The following RASA3 variants were observed in gnomAD, a reference collection of about 807,000 sequenced individuals.
RASA3 encodes the protein ras GTPase-activating protein 3.
In RASA3, 73 loss-of-function variants were observed where a neutral mutation model predicts 110.0. That is an observed-to-expected ratio of 0.66 (90% CI 0.55 to 0.81). The LOEUF (loss-of-function observed/expected upper bound fraction) is 0.81. RASA3 is among the 30% of genes least tolerant of loss of function. RASA3 has a pLI of 0.00. For synonymous variants in RASA3, 500 were observed against 451.4 expected (o/e 1.11, Z -1.37); for missense variants, 976 against 1,113.2 (o/e 0.88, Z 1.75).
chr13:114,029,093 GC>G (rs2054093979), intron 5 of RASA3, among the ~76,000 whole-genome samples: 1 of 21,184 alleles, frequency 4.7e-5, no homozygotes, highest in African/African-American at 6.0e-4. Context: ...CATCCTGGGG[GC>G]CAGGACCTCT....
At position 114,048,745 on chromosome 13, in the gene RASA3, G is replaced by A. The variant is rs549389347; in HGVS notation, c.277+3307C>T. Among the ~76,000 whole-genome samples the A allele has an allele frequency of 6.6e-6, 1 of 152,312 alleles. No homozygotes were observed. Among genetic ancestry groups the A allele is most frequent in the Non-Finnish European group, 1.5e-5 (1 of 68,018 alleles). On this transcript the variant is annotated intron_variant, in intron 3 of 23. Transcript: ENST00000334062. The surrounding 1 kb of genome is among the most constrained non-coding windows in gnomAD (Gnocchi z 4.3). ...TGACTGACAGTTCCCGCCGGCAGCA[G>A]CGCTCTGTGGGCCATGGACCCAGGG...
At chr13:113,996,771 CAT>C (rs776571055) in intron 20 of RASA3, 32 bp from the exon 21 acceptor site, 3 of 1,588,644 alleles carry the variant, frequency 1.9e-6, no homozygotes, top group Non-Finnish European at 2.6e-6. Flanking sequence ...GGACAGCGCA[CAT>C]GAGGTCTCGT....
chr13:114,053,050 A>G (rs9525221), intron 2 of RASA3, among the ~76,000 whole-genome samples: 2,386 of 25,966 alleles, frequency 0.092, 2 homozygotes, highest in Middle Eastern at 0.17. Context: ...GCTCCTGGGG[A>G]AGAGACCCCC....
In RASA3 at chr13:114,057,439, G is replaced by T. The variant is rs2079264663; in HGVS notation, c.174-5284C>A. On this transcript the variant is annotated intron_variant, in intron 2 of 23. Coordinates refer to ENST00000334062, the MANE Select transcript of RASA3 (RefSeq NM_007368.4). This position sits in a 1 kb window ranked among gnomAD's most constrained non-coding sequence, Gnocchi z 5.0. Reference sequence around the variant, plus strand: ...AGGCCTTGCACTCATTTTAATGAAGGCTCTGCAGGATTTCAAGGAAAGCTG... The same window carrying T: ...AGGCCTTGCACTCATTTTAATGAAGTCTCTGCAGGATTTCAAGGAAAGCTG... 1.0e-6 allele frequency: 1 copy of T among 985,412 alleles called. No homozygotes were observed. Among genetic ancestry groups the T allele is most frequent in the Non-Finnish European group, 1.2e-6 (1 of 829,918 alleles). 61.0% of individuals were successfully genotyped at this position (985,412 alleles called of 1,614,324 possible).
chr13:114,010,247 A>T (rs2053602300), intron 16 of RASA3, among the ~76,000 whole-genome samples: 1 of 151,868 alleles, frequency 6.6e-6, no homozygotes, highest in Non-Finnish European at 1.5e-5. Context: ...CAAAGCCCTC[A>T]TTTCTACCTG....
At chr13:114,070,281 A>G (rs909528163) in intron 2 of RASA3, among the ~76,000 whole-genome samples, 2 of 151,504 alleles carry the variant, frequency 1.3e-5, no homozygotes, top group African/African-American at 4.9e-5. Flanking sequence ...GGGTGCCACC[A>G]TGGAGCAAGG....
intron 1 of RASA3, among the ~76,000 whole-genome samples, chr13:114,104,020 C>A (rs1322047733): frequency 1.3e-5 from 1 of 76,052 alleles, no homozygotes. Context: ...CACACTGCCC[C>A]CGGCCACAGA....
At position 113,996,530 on chromosome 13, in the gene RASA3, C is replaced by T. The variant is rs1203199268; in HGVS notation, c.2141+1G>A. On this transcript the variant is annotated splice_donor_variant, in intron 21 of 23. Transcript: ENST00000334062. LOFTEE classifies it high-confidence loss of function. Reference sequence around the variant, plus strand: ...AGCTGGGCACCGAGGCACAGACCTACCCAGTGCAGGGCGAGCAGCCCGGAG... The same window carrying T: ...AGCTGGGCACCGAGGCACAGACCTATCCAGTGCAGGGCGAGCAGCCCGGAG... The T allele has an allele frequency of 1.2e-6, 2 of 1,611,574 alleles. No homozygotes were observed. The highest frequency in any genetic ancestry group is 2.2e-5 in the East Asian group (1 of 44,878).
intron 22 of RASA3, among the ~76,000 whole-genome samples, chr13:113,990,748 C>T (rs956729650): frequency 1.3e-5 from 2 of 152,216 alleles, no homozygotes; most frequent in Non-Finnish European, 1.5e-5. Context: ...CATGGGCCTG[C>T]ACATGTGAGC....
intron 4 of RASA3, among the ~76,000 whole-genome samples, chr13:114,040,763 ATG>A (rs2054386090): frequency 7.3e-6 from 1 of 137,830 alleles, no homozygotes; most frequent in African/African-American, 2.9e-5. Context: ...CCCAAAATCC[ATG>A]GCAGAGCCTG....
chr13:114,055,186 G>A (rs2079222973), intron 2 of RASA3, among the ~76,000 whole-genome samples: 4 of 152,206 alleles, frequency 2.6e-5, no homozygotes. Context: ...GTGCATGCAT[G>A]TGCCATGCAT....
At chr13:114,018,701 G>C (rs1385868854) in intron 10 of RASA3, 62 bp downstream of exon 10, 3 of 1,587,254 alleles carry the variant, frequency 1.9e-6, no homozygotes, top group Non-Finnish European at 2.6e-6. Context: ...CGGGTGTAGG[G>C]TGGGGCCCCA....
At chr13:113,984,721 CCA>C (rs2053012991) in intron 22 of RASA3, among the ~76,000 whole-genome samples, 1 of 97,792 alleles carries the variant, frequency 1.0e-5, no homozygotes, top group Non-Finnish European at 2.4e-5. Context: ...CCCTGTCCAT[CCA>C]TCCATCACTC....
At chr13:114,107,094 A>G (rs1271954421) in intron 1 of RASA3, among the ~76,000 whole-genome samples, 1 of 152,190 alleles carries the variant, frequency 6.6e-6, no homozygotes, top group Non-Finnish European at 1.5e-5. Context: ...AGGCATTTCA[A>G]CATGGCAGTC....
intron 1 of RASA3, among the ~76,000 whole-genome samples, chr13:114,123,961 A>G (rs1241529758): frequency 1.3e-5 from 2 of 152,206 alleles, no homozygotes; most frequent in Admixed American, 1.3e-4. Flanking sequence ...TGTAAAGAGG[A>G]AAGAACAGGT....
intron 1 of RASA3, among the ~76,000 whole-genome samples, chr13:114,119,174 A>C (rs2080332708): frequency 6.6e-6 from 1 of 151,960 alleles, no homozygotes; most frequent in Admixed American, 6.6e-5. Flanking sequence ...AGCAAAATAA[A>C]CTTAAAAAAA....
chr13:113,981,609 C>T, intron 23 of RASA3, 66 bp downstream of exon 23: 1 of 1,551,066 alleles, frequency 6.4e-7, no homozygotes, highest in South Asian at 1.2e-5. Flanking sequence ...CCTGCAGCCC[C>T]ACCCCCACTG....
rs374909815 is a variant in RASA3 at position 114,041,054 on chromosome 13, G to C, written c.318C>G (p.His106Gln). The change falls in exon 4 of 24, where the codon CAC becomes CAG. Residue 106 changes from histidine (H) to glutamine (Q), a missense_variant. Coordinates refer to ENST00000334062, the MANE Select transcript of RASA3 (RefSeq NM_007368.4). ...AIQKEDLQKY[H>Q]NRDTWFQLQH... ...GCAGCTGGAACCAGGTGTCCCTGTT[G>C]TGGTACTTCTGCAAGTCCTCCTTCT... 6.5e-5 allele frequency: 105 copies of C among 1,613,834 alleles called. No homozygotes were observed. Among genetic ancestry groups the C allele is most frequent in the Admixed American group, 2.2e-4 (13 of 60,038 alleles).
chr13:113,991,456 T>C (rs1034248725), intron 22 of RASA3, among the ~76,000 whole-genome samples: 1 of 152,188 alleles, frequency 6.6e-6, no homozygotes, highest in Non-Finnish European at 1.5e-5. Context: ...TCAAGGGCCC[T>C]GTCATATGAT....
Sources: gnomAD v4.1 joint callset for allele counts (sites outside exome capture counted in the v4.1 genomes callset) on GRCh38, gnomAD v4.1.1 for gene constraint, Gnocchi (gnomAD v3.1) non-coding constraint, MANE v1.5 for transcripts, NCBI Gene and HGNC (gene_info 2026-07-23, HGNC 2026-07-21) for gene names.